The following ASIC2 variants were observed in gnomAD, a reference collection of about 807,000 sequenced individuals.
ASIC2 encodes acid-sensing ion channel 2.
In ASIC2, 25 loss-of-function variants were observed where a neutral mutation model predicts 57.3. The observed-to-expected ratio is 0.44, with a 90% CI of 0.32 to 0.61. The LOEUF (loss-of-function observed/expected upper bound fraction) is 0.61, where lower values mean the gene tolerates loss of function less well. Among genes scored for constraint, ASIC2 ranks in the 20% least tolerant of loss-of-function variants. The pLI is 0.06. For synonymous variants in ASIC2, 319 were observed against 307.5 expected (o/e 1.04, Z -0.39); for missense variants, 641 against 738.1 (o/e 0.87, Z 1.52).
chr17:33,842,522 C>T (rs1913469769), intron 1 of ASIC2, among the ~76,000 whole-genome samples: 1 of 152,132 alleles, frequency 6.6e-6, no homozygotes, highest in South Asian at 2.1e-4. Flanking sequence ...AGTATTGAAC[C>T]TGAGACAGGG....
chr17:33,110,506 T>C (rs544280941), intron 2 of ASIC2, among the ~76,000 whole-genome samples: 1 of 152,190 alleles, frequency 6.6e-6, no homozygotes, highest in South Asian at 2.1e-4. Flanking sequence ...GCGCCTGAGG[T>C]GAGCTTCCAG....
intron 1 of ASIC2, among the ~76,000 whole-genome samples, chr17:33,341,790 T>C (rs183758692): frequency 1.3e-5 from 2 of 152,290 alleles, no homozygotes; most frequent in East Asian, 3.9e-4. Flanking sequence ...TTGAGAAACC[T>C]CTAAAAGGAT....
intron 1 of ASIC2, among the ~76,000 whole-genome samples, chr17:33,549,699 C>T (rs754011944): frequency 6.6e-6 from 1 of 152,122 alleles, no homozygotes; most frequent in Non-Finnish European, 1.5e-5. Flanking sequence ...AATCTACAGT[C>T]CTGTTCTTTC....
chr17:33,452,776 T>TGTGA (rs927088214), intron 1 of ASIC2, among the ~76,000 whole-genome samples: 20 of 151,270 alleles, frequency 1.3e-4, no homozygotes, highest in South Asian at 4.2e-4. Context: ...TGTGTGTGTG[T>TGTGA]GATAGCCTTT....
intron 1 of ASIC2, among the ~76,000 whole-genome samples, chr17:33,289,834 G>A (rs921608806): frequency 1.3e-5 from 2 of 152,150 alleles, no homozygotes; most frequent in Admixed American, 6.5e-5. Context: ...GAGCAGGAGC[G>A]AGGGCCTGTT....
intron 1 of ASIC2, among the ~76,000 whole-genome samples, chr17:34,059,900 C>A (rs1908909708): frequency 6.6e-6 from 1 of 152,178 alleles, no homozygotes; most frequent in Admixed American, 6.5e-5. Flanking sequence ...GAAGGTTGTT[C>A]CCTACCCACC....
intron 1 of ASIC2, among the ~76,000 whole-genome samples, chr17:33,762,776 T>C (rs1476363666): frequency 6.6e-6 from 1 of 152,166 alleles, no homozygotes; most frequent in Non-Finnish European, 1.5e-5. Context: ...GGGTGTCCCA[T>C]GTTAGAGCAG....
At chr17:33,270,550 G>A (rs748809135) in intron 1 of ASIC2, among the ~76,000 whole-genome samples, 15 of 152,204 alleles carry the variant, frequency 9.9e-5, no homozygotes, top group Non-Finnish European at 1.6e-4. Context: ...CTGAGAATGG[G>A]TTTCATCTAG....
At chr17:33,110,947 T>C (rs1224961554) in intron 2 of ASIC2, among the ~76,000 whole-genome samples, 2 of 152,200 alleles carry the variant, frequency 1.3e-5, no homozygotes, top group Non-Finnish European at 2.9e-5. Flanking sequence ...TGTTATGCCC[T>C]GAACGCAGCA....
intron 1 of ASIC2, among the ~76,000 whole-genome samples, chr17:33,579,715 A>G (rs1904345625): frequency 6.6e-6 from 1 of 152,114 alleles, no homozygotes; most frequent in South Asian, 2.1e-4. Flanking sequence ...CAGCGTTACA[A>G]CTGTTAAAAG....
chr17:33,142,650 A>G (rs1904366080), intron 1 of ASIC2, among the ~76,000 whole-genome samples: 1 of 152,180 alleles, frequency 6.6e-6, no homozygotes, highest in African/African-American at 2.4e-5. Context: ...CTGGAATGTT[A>G]AGTCCCTCAC....
At chr17:33,957,263 A>T (rs1320736151) in intron 1 of ASIC2, among the ~76,000 whole-genome samples, 1 of 152,206 alleles carries the variant, frequency 6.6e-6, no homozygotes, top group Non-Finnish European at 1.5e-5. Context: ...CCTCAAGCAC[A>T]AAGGCGTAGA....
chr17:33,151,499 C>T (rs932594262), intron 1 of ASIC2, among the ~76,000 whole-genome samples: 2 of 152,102 alleles, frequency 1.3e-5, no homozygotes, highest in Admixed American at 1.3e-4. Context: ...GTCCTTGTGA[C>T]GGTTTGAATG....
At chr17:33,296,501 ATTAGCAT>A (rs773019629), upstream of ASIC2, among the ~76,000 whole-genome samples, 1 of 152,236 alleles carries the variant, frequency 6.6e-6, no homozygotes, top group African/African-American at 2.4e-5. Context: ...CCACCAAGAA[ATTAGCAT>A]TTAGCATTGT....
chr17:33,352,434 C>A (rs1468652721), intron 1 of ASIC2, among the ~76,000 whole-genome samples: 1 of 152,198 alleles, frequency 6.6e-6, no homozygotes, highest in Non-Finnish European at 1.5e-5. Flanking sequence ...CTTGTGCTTG[C>A]ACCTCTTACT....
At chr17:33,785,100 G>A (rs1011931036) in intron 1 of ASIC2, among the ~76,000 whole-genome samples, 7 of 151,290 alleles carry the variant, frequency 4.6e-5, no homozygotes, top group African/African-American at 1.5e-4. Flanking sequence ...AAGTAATCAA[G>A]GTTAAAAAAA....
intron 1 of ASIC2, chr17:33,689,286 G>T (rs1908291276): frequency 6.6e-6 from 1 of 152,152 alleles, no homozygotes; most frequent in Non-Finnish European, 1.5e-5. Flanking sequence ...GCCCAGGATG[G>T]TCTCAAACTC....
At chr17:33,031,438 G>T (rs2091883185) in intron 3 of ASIC2, among the ~76,000 whole-genome samples, 1 of 151,658 alleles carries the variant, frequency 6.6e-6, no homozygotes, top group African/African-American at 2.4e-5. Flanking sequence ...TTATGTTTTG[G>T]TCAGAAAACA....
intron 1 of ASIC2, among the ~76,000 whole-genome samples, chr17:33,217,127 T>G (rs1310209370): frequency 1.3e-5 from 2 of 152,184 alleles, no homozygotes; most frequent in Non-Finnish European, 2.9e-5. Flanking sequence ...GAACAAAATA[T>G]AATTTAGACT....
Sources: allele counts gnomAD v4.1 joint callset (sites outside exome capture counted in the v4.1 genomes callset), GRCh38; gene constraint gnomAD v4.1.1; transcripts MANE v1.5; gene names NCBI Gene and HGNC (gene_info 2026-07-23, HGNC 2026-07-21).